NTRK2: variants seen among roughly 807,000 people sequenced by gnomAD.
The protein encoded by NTRK2 is neurotrophic receptor tyrosine kinase 2, also known as BDNF/NT-3 growth factors receptor.
Under a neutral mutation model 94.5 loss-of-function variants are expected in NTRK2, and 13 were observed. That is an observed-to-expected ratio of 0.14 (90% CI 0.09 to 0.22). The LOEUF (loss-of-function observed/expected upper bound fraction) is 0.22, where lower values mean the gene tolerates loss of function less well. NTRK2 is among the 10% of genes least tolerant of loss of function. The pLI, the probability that NTRK2 is intolerant of heterozygous loss-of-function variation, is 1.00. For synonymous variants in NTRK2, 372 were observed against 407.4 expected (o/e 0.91, Z 1.05); for missense variants, 639 against 1,071.2 (o/e 0.60, Z 5.63).
At chr9:85,007,615 G>A (rs1490404) in intron 17 of NTRK2, among the ~76,000 whole-genome samples, 109,828 of 152,062 alleles carry the variant, frequency 0.72, 40,212 homozygotes, top group Middle Eastern at 0.8. Flanking sequence ...AGACAGACTC[G>A]AGATGTCTTT....
intron 6 of NTRK2, 135 bp downstream of exon 6, chr9:84,710,926 A>G: frequency 3.7e-6 from 3 of 814,084 alleles, no homozygotes; most frequent in South Asian, 1.6e-5. Context: ...CTCAGACAAC[A>G]TTTATGTGCA....
At chr9:84,817,975 T>A (rs1437636020) in intron 12 of NTRK2, among the ~76,000 whole-genome samples, 1 of 152,156 alleles carries the variant, frequency 6.6e-6, no homozygotes, top group East Asian at 1.9e-4. Flanking sequence ...AGCACTTAAT[T>A]TAGGACAATT....
chr9:84,840,094 T>A (rs1775815436), intron 12 of NTRK2, among the ~76,000 whole-genome samples: 2 of 152,088 alleles, frequency 1.3e-5, no homozygotes, highest in African/African-American at 2.4e-5. Flanking sequence ...TTGCTTTTTC[T>A]TGCTGATTAG....
chr9:84,843,922 G>T (rs1358445620), intron 12 of NTRK2, among the ~76,000 whole-genome samples: 1 of 152,156 alleles, frequency 6.6e-6, no homozygotes, highest in Admixed American at 6.5e-5. Context: ...ATTTTTGAGG[G>T]AAAAGGATTT....
intron 17 of NTRK2, among the ~76,000 whole-genome samples, chr9:85,006,034 C>A (rs1475763626): frequency 6.6e-6 from 1 of 152,156 alleles, no homozygotes; most frequent in South Asian, 2.1e-4. Flanking sequence ...GCCTCACACC[C>A]AGGAGGTAGC....
rs1201764479 is a variant in NTRK2 at position 84,867,402 on chromosome 9, T to C, written c.1604T>C (p.Ile535Thr). ...PVIENPQYFG[I>T]TNSQLKPDTF... is the part of the protein sequence containing the mutation. The stretch of plus-strand genomic sequence containing the variant: ...ATTGAAAATCCCCAGTACTTTGGCA[T>C]CACCAACAGTCAGCTCAAGCCAGAC... Residue 535 changes from isoleucine to threonine, a missense_variant, in exon 14 of 19, where the codon ATC becomes ACC. Ile to Thr is a moderately conservative substitution (Grantham distance 89, BLOSUM62 -1). Around this residue, in one of 5 missense-constraint regions of NTRK2, gnomAD observed 343 missense variants for 571.5 expected, o/e 0.60. Coordinates refer to ENST00000277120, the MANE Select transcript of NTRK2 (RefSeq NM_006180.6). 1 of 1,613,994 alleles carries C rather than the reference T, an allele frequency of 6.2e-7. No individual in the cohort carries two copies. Among genetic ancestry groups the C allele is most frequent in the South Asian group, 1.1e-5 (1 of 91,074 alleles).
chr9:84,699,676 T>TC (rs398011281), intron 2 of NTRK2, among the ~76,000 whole-genome samples: 2 of 151,752 alleles, frequency 1.3e-5, no homozygotes, highest in Admixed American at 1.3e-4. Flanking sequence ...TTTTTTTTTT[T>TC]CTAACGAGTG....
chr9:84,794,430 A>G lies in NTRK2; in HGVS notation c.1396+42345A>G, dbSNP rs187173430. Among the ~76,000 whole-genome samples, 179 of 152,358 alleles carry G rather than the reference A, an allele frequency of 1.2e-3. 1 individual carries two copies. The East Asian group carries it at 0.026, about 22-fold the overall frequency. On this transcript the variant is annotated intron_variant, in intron 12 of 18. Transcript: ENST00000277120. ...AAGGCAGTTCAGATGAGTTAACATC[A>G]TGGCATAGCCAAAAAACCCCAGTGT...
At chr9:84,906,536 A>G (rs1425482972) in intron 14 of NTRK2, among the ~76,000 whole-genome samples, 1 of 152,188 alleles carries the variant, frequency 6.6e-6, no homozygotes, top group Non-Finnish European at 1.5e-5. Context: ...GGACAGATGG[A>G]GAGTGACTGA....
At chr9:84,768,655 A>T (rs1487171595) in intron 12 of NTRK2, among the ~76,000 whole-genome samples, 1 of 152,146 alleles carries the variant, frequency 6.6e-6, no homozygotes, top group Admixed American at 6.6e-5. Flanking sequence ...TTTTGTTTTG[A>T]CGTATCTGGT....
intron 14 of NTRK2, among the ~76,000 whole-genome samples, chr9:84,912,611 C>CTTTTTTTTTTTTTTTT (rs1212242779): frequency 2.1e-5 from 2 of 95,246 alleles, no homozygotes; most frequent in Admixed American, 1.2e-4. Flanking sequence ...TTTGACTTGC[C>CTTTTTTTTTTTTTTTT]TTTTTTTTTT....
intron 6 of NTRK2, among the ~76,000 whole-genome samples, chr9:84,714,207 T>C (rs1192922312): frequency 6.6e-6 from 1 of 152,154 alleles, no homozygotes; most frequent in African/African-American, 2.4e-5. Flanking sequence ...ATTTCCACAA[T>C]CTCTCGTGAG....
intron 17 of NTRK2, 106 bp downstream of exon 17, chr9:84,955,623 C>T (rs1357400975): frequency 1.1e-6 from 1 of 932,838 alleles, no homozygotes; most frequent in African/African-American, 1.6e-5. Context: ...GACTGGGTGG[C>T]TTAAACGACA....
At chr9:84,810,470 T>C in intron 12 of NTRK2, 1 of 1,330,842 alleles carries the variant, frequency 7.5e-7, no homozygotes, top group East Asian at 2.4e-5. Flanking sequence ...TGAAAGTTAT[T>C]GTACTTGTAT....
chr9:84,801,734 G>T (rs572444259), intron 12 of NTRK2, among the ~76,000 whole-genome samples: 1 of 152,166 alleles, frequency 6.6e-6, no homozygotes, highest in East Asian at 1.9e-4. Context: ...CTCATGATGG[G>T]TTTATTAGGA....
intron 17 of NTRK2, among the ~76,000 whole-genome samples, chr9:84,992,398 C>T (rs751007193): frequency 5.9e-5 from 9 of 152,046 alleles, no homozygotes; most frequent in East Asian, 1.9e-4. Context: ...TGGATGTTCT[C>T]GGGGGCTACT....
At chr9:84,689,210 A>G (rs1251384029) in intron 2 of NTRK2, among the ~76,000 whole-genome samples, 1 of 152,382 alleles carries the variant, frequency 6.6e-6, no homozygotes, top group East Asian at 1.9e-4. Context: ...TGCCTTGAGC[A>G]TGACACTGAA....
intron 12 of NTRK2, among the ~76,000 whole-genome samples, chr9:84,783,667 G>T (rs1005260803): frequency 6.6e-6 from 1 of 152,136 alleles, no homozygotes; most frequent in Non-Finnish European, 1.5e-5. Context: ...AGAGCATGGA[G>T]AAGAGAGAGG....
chr9:85,025,597 TG>T lies in NTRK2; in HGVS notation c.*4161del. 1 of 233,316 alleles carries T rather than the reference TG, an allele frequency of 4.3e-6. No individual in the cohort carries two copies. The highest frequency in any genetic ancestry group is 6.0e-5 in the East Asian group (1 of 16,592). 14.5% of individuals were successfully genotyped at this position (233,316 alleles called of 1,614,324 possible). A position where few individuals can be genotyped will look rare whatever the true frequency, so the allele number is the denominator to read the frequency against. On this transcript the variant is annotated 3_prime_UTR_variant, in exon 19 of 19. Coordinates refer to ENST00000277120, the MANE Select transcript of NTRK2 (RefSeq NM_006180.6). ...GAATCTTTCTTTTCACAAATTGGAC[TG>T]CCTGTAATACCAATAACATTGTTGT...
Sources: gnomAD v4.1 joint callset for allele counts (sites outside exome capture counted in the v4.1 genomes callset) on GRCh38, gnomAD v4.1.1 for gene constraint, gnomAD v4.1.1 regional missense constraint, MANE v1.5 for transcripts, NCBI Gene and HGNC (gene_info 2026-07-23, HGNC 2026-07-21) for gene names.